Variants in TMTC4 observed in about 807,000 individuals in gnomAD.
The protein encoded by TMTC4 is protein O-mannosyl-transferase TMTC4.
Under a neutral mutation model 86.0 loss-of-function variants are expected in TMTC4, and 65 were observed. The observed-to-expected ratio is 0.76, with a 90% CI of 0.62 to 0.93. The LOEUF is 0.93. Ranked by LOEUF, TMTC4 falls within the 40% of genes least tolerant of loss-of-function variation. The pLI is 0.00. For missense variants in TMTC4, 866 were observed against 948.1 expected, an observed-to-expected ratio of 0.91 and a Z score of 1.14; for synonymous variants, 379 against 382.5, an observed-to-expected ratio of 0.99 and a Z score of 0.11.
At position 100,634,931 on chromosome 13, in the gene TMTC4, G is replaced by A. The variant is rs1460199049; in HGVS notation, c.1380C>T (p.Leu460=). Residue 460 remains leucine (L), a synonymous_variant, in exon 12 of 19, where the codon CTC becomes CTT. Transcript: ENST00000342624. ...AGATTCCCAGCACGACAGCGGCAAT[G>A]AGTTTCTTAAGAACAGAAAGACATG... ...ALSKHTKKKK[L]IAAVVLGILF... is the part of the protein sequence containing the mutation. 1 of 1,613,928 alleles carries A rather than the reference G, an allele frequency of 6.2e-7. No individual in the cohort carries two copies. The highest frequency in any genetic ancestry group is 1.7e-4 in the Middle Eastern group (1 of 6,060).
intron 3 of TMTC4, among the ~76,000 whole-genome samples, chr13:100,667,367 T>C (rs1023680063): frequency 1.2e-4 from 18 of 152,040 alleles, no homozygotes; most frequent in Non-Finnish European, 1.6e-4. Flanking sequence ...AGGCAGAGGT[T>C]GTAGTGAGCC....
chr13:100,622,351 G>T (rs1879642065), intron 15 of TMTC4, among the ~76,000 whole-genome samples: 1 of 152,136 alleles, frequency 6.6e-6, no homozygotes, highest in Admixed American at 6.6e-5. Flanking sequence ...ACTGAAACAT[G>T]TTTTGCATTT....
At chr13:100,629,343 G>A (rs1477633704) in intron 12 of TMTC4, among the ~76,000 whole-genome samples, 1 of 152,098 alleles carries the variant, frequency 6.6e-6, no homozygotes, top group East Asian at 1.9e-4. Flanking sequence ...GTGTGTAGCT[G>A]GCACACCTTG....
At chr13:100,637,457 G>C in intron 9 of TMTC4, 81 bp downstream of exon 9, 1 of 1,518,610 alleles carries the variant, frequency 6.6e-7, no homozygotes, top group African/African-American at 1.4e-5. Context: ...GCAGAGGAGT[G>C]AGACGAGGAG....
intron 12 of TMTC4, among the ~76,000 whole-genome samples, chr13:100,632,053 A>ACACACACTCTCTCT (rs1296569630): frequency 9.3e-4 from 40 of 43,120 alleles, no homozygotes; most frequent in Non-Finnish European, 9.9e-4. Context: ...ACACACACAC[A>ACACACACTCTCTCT]CTCTCTCTCT....
intron 17 of TMTC4, among the ~76,000 whole-genome samples, chr13:100,607,791 T>C (rs2153021147): frequency 6.6e-6 from 1 of 152,290 alleles, no homozygotes. Flanking sequence ...ATTTATATTT[T>C]AGAAATGTCA....
chr13:100,674,050 CACA>C (rs1887493987), intron 1 of TMTC4: 13 of 985,152 alleles, frequency 1.3e-5, no homozygotes, highest in South Asian at 9.4e-5. Flanking sequence ...AGCCCATAGC[CACA>C]ACATCAACAA....
At chr13:100,655,602 G>A (rs1221073985) in intron 6 of TMTC4, among the ~76,000 whole-genome samples, 4 of 152,162 alleles carry the variant, frequency 2.6e-5, no homozygotes, top group Non-Finnish European at 5.9e-5. Context: ...ATCATCATAG[G>A]TGGGGAGACC....
chr13:100,609,680 T>TTCAC (rs1555337984), intron 17 of TMTC4, among the ~76,000 whole-genome samples: 3 of 150,716 alleles, frequency 2.0e-5, no homozygotes, highest in African/African-American at 7.3e-5. Flanking sequence ...TGTATATATA[T>TTCAC]ACACACACAC....
intron 16 of TMTC4, 28 bp downstream of exon 16, chr13:100,614,288 G>A (rs1341655361): frequency 1.3e-6 from 2 of 1,546,068 alleles, no homozygotes; most frequent in Admixed American, 3.4e-5. Context: ...GCCATTTCCT[G>A]TGATTTGTTC....
chr13:100,674,122 T>C, intron 1 of TMTC4: 4 of 984,382 alleles, frequency 4.1e-6, no homozygotes, highest in Non-Finnish European at 4.8e-6. Context: ...CCTGCTCGGC[T>C]TCCCCAAACT....
chr13:100,637,522 C>G lies in TMTC4; in HGVS notation c.999+16G>C, dbSNP rs770216578. 6.3e-7 allele frequency: 1 copy of G among 1,599,618 alleles called. No individual in the cohort carries two copies. Among genetic ancestry groups the G allele is most frequent in the Non-Finnish European group, 8.5e-7 (1 of 1,170,490 alleles). On this transcript the variant is annotated intron_variant, in intron 9 of 18. Coordinates refer to ENST00000342624, the MANE Select transcript of TMTC4 (RefSeq NM_032813.5). ...GGGAAGAAAAGAGTCCAGGGGGCGG[C>G]AGGCTCAGAACTCACCCTCACCAGC... is the stretch of plus-strand genomic sequence containing the variant.
intron 3 of TMTC4, among the ~76,000 whole-genome samples, chr13:100,665,317 G>A (rs992085351): frequency 1.3e-5 from 2 of 152,218 alleles, no homozygotes; most frequent in Non-Finnish European, 2.9e-5. Context: ...TTAAACAGGA[G>A]TGTTTTAGGG....
Position 100,664,321 on chromosome 13 carries a change from TTTCTGC to T in TMTC4, c.229_234del (p.Ala77_Glu78del). The T allele has an allele frequency of 3.7e-6, 6 of 1,609,576 alleles. No homozygotes were observed. The highest frequency in any genetic ancestry group is 5.1e-6 in the Non-Finnish European group (6 of 1,177,836). On this transcript the variant is annotated inframe_deletion, in exon 4 of 19. Coordinates refer to ENST00000342624, the MANE Select transcript of TMTC4 (RefSeq NM_032813.5). Reference sequence around the variant, plus strand: ...TGATGCCACAGGTCCCCCAGGGGCGTTTCTGCTTGGAGGTCCTGCAGGGTCACAAAG... The same window carrying T: ...TGATGCCACAGGTCCCCCAGGGGCGTTTGGAGGTCCTGCAGGGTCACAAAG...
chr13:100,674,952 C>T, upstream of TMTC4: 2 of 985,516 alleles, frequency 2.0e-6, no homozygotes, highest in Non-Finnish European at 2.4e-6. Flanking sequence ...TTGGCTGCTG[C>T]TCCCGTCACT....
At chr13:100,610,394 A>G (rs921082006) in intron 17 of TMTC4, among the ~76,000 whole-genome samples, 4 of 152,198 alleles carry the variant, frequency 2.6e-5, no homozygotes, top group Non-Finnish European at 5.9e-5. Context: ...AAACCTAAAC[A>G]GTTGCTTAAA....
rs544035741 is a variant in TMTC4, at chr13:100,665,843, C to T, written c.220-1507G>A. On this transcript the variant is annotated intron_variant, in intron 3 of 18. Transcript: ENST00000342624. ...CACTGTTAAGGGTGACATTTGCTTC[C>T]ATGGGCATCGGCTTCAGAAGCCAGG... The T allele has an allele frequency of 4.2e-4, 138 of 326,784 alleles. 2 individuals carry two copies. The highest frequency in any genetic ancestry group is 3.4e-3 in the South Asian group (136 of 39,978). 20.2% of individuals were successfully genotyped at this position (326,784 alleles called of 1,614,324 possible). A position where few individuals can be genotyped will look rare whatever the true frequency, so the allele number is the denominator to read the frequency against.
At chr13:100,630,008 A>G (rs977412781) in intron 12 of TMTC4, among the ~76,000 whole-genome samples, 2 of 148,064 alleles carry the variant, frequency 1.4e-5, no homozygotes, top group African/African-American at 5.0e-5. Context: ...CTGTGGTCTA[A>G]GCCACCCAAT....
chr13:100,628,806 A>T (rs1880924410), intron 12 of TMTC4, among the ~76,000 whole-genome samples: 1 of 152,174 alleles, frequency 6.6e-6, no homozygotes, highest in Admixed American at 6.5e-5. Context: ...GGGGACTTGA[A>T]CTAAGCCTAA....
Sources: allele counts gnomAD v4.1 joint callset (sites outside exome capture counted in the v4.1 genomes callset), GRCh38; gene constraint gnomAD v4.1.1; transcripts MANE v1.5; gene names NCBI Gene and HGNC (gene_info 2026-07-23, HGNC 2026-07-21).